C1QTNF1: variants seen among roughly 807,000 people sequenced by gnomAD.
C1QTNF1 encodes the protein C1q and TNF related 1.
Under a neutral mutation model 27.8 loss-of-function variants are expected in C1QTNF1, and 22 were observed. That is an observed-to-expected ratio of 0.79 (90% CI 0.56 to 1.13). The LOEUF (loss-of-function observed/expected upper bound fraction) is 1.13. C1QTNF1 is among the 50% of genes most tolerant of loss of function. The pLI, the probability that C1QTNF1 is intolerant of heterozygous loss-of-function variation, is 0.00. For missense variants in C1QTNF1, 373 were observed against 380.2 expected (o/e 0.98, Z 0.16); for synonymous variants, 166 against 154.3 (o/e 1.08, Z -0.56).
chr17:79,032,791 G>A (rs1165150460), intron 1 of C1QTNF1, among the ~76,000 whole-genome samples: 1 of 152,194 alleles, frequency 6.6e-6, no homozygotes, highest in African/African-American at 2.4e-5. Flanking sequence ...GAGCAGCCTG[G>A]TGCGGTGGCT....
chr17:79,033,324 A>T (rs1427148667), intron 1 of C1QTNF1, among the ~76,000 whole-genome samples: 1 of 152,124 alleles, frequency 6.6e-6, no homozygotes, highest in Non-Finnish European at 1.5e-5. Context: ...GTACTGACTT[A>T]AACATTTGCA....
rs2072542050 is a variant in C1QTNF1 at position 79,045,417 on chromosome 17, CG to C, written c.156-1136del. Among the ~76,000 whole-genome samples, 2 of 152,092 alleles carry C rather than the reference CG, an allele frequency of 1.3e-5. 1 individual carries two copies. The highest frequency in any genetic ancestry group is 2.9e-5 in the Non-Finnish European group (2 of 68,014). On this transcript the variant is annotated intron_variant, in intron 2 of 3. Transcript: ENST00000579760. Reference sequence around the variant, plus strand: ...GAATCATGGGAAAGCTTGAATTGGACGGTGTTCTCGGAAGAATGCCAGAGGG... The same window carrying C: ...GAATCATGGGAAAGCTTGAATTGGACGTGTTCTCGGAAGAATGCCAGAGGG...
chr17:79,042,311 C>A (rs886205637), intron 1 of C1QTNF1, among the ~76,000 whole-genome samples: 1 of 152,280 alleles, frequency 6.6e-6, no homozygotes, highest in Non-Finnish European at 1.5e-5. Flanking sequence ...GGGCGTTCGC[C>A]TAATGTGGGC....
At chr17:79,029,092 G>T (rs146407801) in intron 1 of C1QTNF1, among the ~76,000 whole-genome samples, 86 of 152,290 alleles carry the variant, frequency 5.6e-4, no homozygotes, top group African/African-American at 2.0e-3. Context: ...GTGGGCACTC[G>T]GTAATCCTCT....
At chr17:79,025,803 C>G (rs1336265955) in intron 1 of C1QTNF1, 1 of 244,898 alleles carries the variant, frequency 4.1e-6, no homozygotes, top group African/African-American at 2.3e-5. Context: ...CAAGCAGAAG[C>G]TTCCCCACCC....
intron 1 of C1QTNF1, among the ~76,000 whole-genome samples, chr17:79,028,859 C>A (rs183320605): frequency 6.6e-6 from 1 of 151,498 alleles, no homozygotes; most frequent in East Asian, 2.0e-4. Flanking sequence ...ATGGGCCACA[C>A]TGCCCAAGCC....
At chr17:79,031,804 G>A (rs923775550) in intron 1 of C1QTNF1, among the ~76,000 whole-genome samples, 5 of 152,342 alleles carry the variant, frequency 3.3e-5, no homozygotes, top group Middle Eastern at 6.8e-3. Flanking sequence ...GGTGAATGGA[G>A]GCAGTGGTTT....
At chr17:79,026,748 A>G (rs566374808) in intron 1 of C1QTNF1, among the ~76,000 whole-genome samples, 1 of 152,258 alleles carries the variant, frequency 6.6e-6, no homozygotes, top group South Asian at 2.1e-4. Flanking sequence ...CCTCCCAGGC[A>G]GGTGCAGCCA....
In C1QTNF1 at chr17:79,047,788, C is replaced by T. The variant is rs777247707; in HGVS notation, c.546C>T (p.Thr182=). ...TCTACGACCACTTCAACATGTTCAC[C>T]GGCAAGTTCTACTGCTACGTGCCCG... ...VNLYDHFNMF[T]GKFYCYVPGL... The change falls in exon 4 of 4, where the codon ACC becomes ACT. Residue 182 remains threonine, a synonymous_variant. Transcript: ENST00000579760. The T allele has an allele frequency of 5.0e-6, 8 of 1,614,052 alleles. No individual in the cohort carries two copies. Among genetic ancestry groups the T allele is most frequent in the African/African-American group, 2.7e-5 (2 of 74,920 alleles).
rs749854612 is a variant in C1QTNF1, at chr17:79,044,085, G to A, written c.117G>A (p.Gly39=). Residue 39 remains glycine, a synonymous_variant, in exon 2 of 4, where the codon GGG becomes GGA. Transcript: ENST00000579760. ...HVQGEQQEWE[G]TEELPSPPDH... The stretch of plus-strand genomic sequence containing the variant: ...AGGGGGAACAGCAGGAGTGGGAGGG[G>A]ACTGAGGAGCTGCCGTCGCCTCCGG... 6.2e-7 allele frequency: 1 copy of A among 1,613,774 alleles called. No homozygotes were observed. Among genetic ancestry groups the A allele is most frequent in the South Asian group, 1.1e-5 (1 of 91,028 alleles).
rs372234859 is a variant in C1QTNF1 at position 79,048,041 on chromosome 17, T to C, written c.799T>C (p.Tyr267His). Reference sequence around the variant, plus strand: ...CATCTTCAGCGAGGAGCTGGACACCTACATCACCTTCAGTGGCTACCTGGT... The same window carrying C: ...CATCTTCAGCGAGGAGCTGGACACCCACATCACCTTCAGTGGCTACCTGGT... Reference protein sequence around the residue: ...NAIFSEELDTYITFSGYLVKH... With the variant: ...NAIFSEELDTHITFSGYLVKH... The change falls in exon 4 of 4, where the codon TAC (tyrosine) becomes CAC (histidine). Residue 267 changes from tyrosine (Y) to histidine (H), a missense_variant. By Grantham distance (83) the Tyr-to-His change is moderately conservative. Coordinates refer to ENST00000579760, the MANE Select transcript of C1QTNF1 (RefSeq NM_030968.5). The C allele has an allele frequency of 1.3e-6, 2 of 1,592,552 alleles. No homozygotes were observed. Among genetic ancestry groups the C allele is most frequent in the Non-Finnish European group, 1.7e-6 (2 of 1,171,772 alleles).
chr17:79,035,619 CA>C lies in C1QTNF1; in HGVS notation c.-14-8335del, dbSNP rs1411127706. 2.0e-5 allele frequency among the ~76,000 whole-genome samples: 3 copies of C among 152,074 alleles called. No homozygotes were observed. In the East Asian group the frequency reaches 5.8e-4, roughly 29 times the overall value. On this transcript the variant is annotated intron_variant, in intron 1 of 3. Coordinates refer to ENST00000579760, the MANE Select transcript of C1QTNF1 (RefSeq NM_030968.5). The stretch of plus-strand genomic sequence containing the variant: ...CTAATTTTTGTATTTTTAGTAGAGA[CA>C]GGGTTTTACCATGTTGGCCAGGCTG...
At chr17:79,032,362 A>T (rs895003250) in intron 1 of C1QTNF1, among the ~76,000 whole-genome samples, 1 of 152,210 alleles carries the variant, frequency 6.6e-6, no homozygotes, top group Non-Finnish European at 1.5e-5. Flanking sequence ...GAGTAGCTCC[A>T]GGGAGCTGGA....
intron 1 of C1QTNF1, chr17:79,027,493 T>C (rs1218275994): frequency 6.6e-6 from 1 of 152,310 alleles, no homozygotes; most frequent in East Asian, 1.9e-4. Context: ...CCAGGGATCC[T>C]TGGGGCCCTG....
intron 1 of C1QTNF1, among the ~76,000 whole-genome samples, chr17:79,030,441 CTCTT>C (rs1243125745): frequency 1.4e-3 from 211 of 148,018 alleles, no homozygotes; most frequent in African/African-American, 4.9e-3. Flanking sequence ...AACTTTCTCT[CTCTT>C]TCTTCTTTCT....
intron 1 of C1QTNF1, chr17:79,025,611 A>G (rs1489658842): frequency 6.4e-6 from 1 of 155,258 alleles, no homozygotes. Flanking sequence ...ATAGTGCAGG[A>G]AAGTACACAC....
intron 1 of C1QTNF1, among the ~76,000 whole-genome samples, chr17:79,040,905 A>AC (rs1489727786): frequency 5.5e-4 from 84 of 152,082 alleles, no homozygotes; most frequent in African/African-American, 2.0e-3. Flanking sequence ...AAAAAAAAAA[A>AC]TCAGAATTTT....
Position 79,047,948 on chromosome 17 carries a change from C to A in C1QTNF1, c.706C>A (p.Leu236Met). The A allele has an allele frequency of 6.2e-7, 1 of 1,614,036 alleles. No individual in the cohort carries two copies. Among genetic ancestry groups the A allele is most frequent in the Non-Finnish European group, 8.5e-7 (1 of 1,180,020 alleles). ...CCGCAGCATCATGCAAAGCCAGAGC[C>A]TGATGCTGGAGCTGCGAGAGCAGGA... ...GDRSIMQSQS[L>M]MLELREQDQV... is the part of the protein sequence containing the mutation. Residue 236 changes from leucine (L) to methionine (M), a missense_variant, in exon 4 of 4, where the codon CTG becomes ATG. Leu to Met is a conservative substitution (Grantham distance 15). Coordinates refer to ENST00000579760, the MANE Select transcript of C1QTNF1 (RefSeq NM_030968.5).
chr17:79,029,663 G>A (rs1052785478), intron 1 of C1QTNF1, among the ~76,000 whole-genome samples: 12 of 152,158 alleles, frequency 7.9e-5, no homozygotes, highest in African/African-American at 2.9e-4. Context: ...GTTTCCTTCT[G>A]TTTCACGGCT....
Sources: allele counts gnomAD v4.1 joint callset (sites outside exome capture counted in the v4.1 genomes callset), GRCh38; gene constraint gnomAD v4.1.1; transcripts MANE v1.5; gene names NCBI Gene and HGNC (gene_info 2026-07-23, HGNC 2026-07-21).